The following NRXN3 variants were observed in gnomAD, a reference collection of about 807,000 sequenced individuals.
NRXN3 encodes neurexin III.
A neutral mutation model predicts 137.6 loss-of-function variants in NRXN3; 32 were observed. The observed-to-expected ratio is 0.23, with a 90% CI of 0.18 to 0.31. The LOEUF (loss-of-function observed/expected upper bound fraction) is 0.31. NRXN3 is among the 10% of genes least tolerant of loss of function. The pLI, the probability that NRXN3 is intolerant of heterozygous loss-of-function variation, is 1.00. For synonymous variants in NRXN3, 798 were observed against 784.5 expected (o/e 1.02, Z -0.29); for missense variants, 1,574 against 2,062.5 (o/e 0.76, Z 4.59).
At chr14:79,453,735 T>C (rs551363931) in intron 15 of NRXN3, among the ~76,000 whole-genome samples, 1 of 152,354 alleles carries the variant, frequency 6.6e-6, no homozygotes, top group South Asian at 2.1e-4. Context: ...TTTCCTTTTC[T>C]ATCTACTATT....
chr14:78,696,303 A>G (rs1213326276), intron 6 of NRXN3, among the ~76,000 whole-genome samples: 1 of 152,040 alleles, frequency 6.6e-6, no homozygotes, highest in Non-Finnish European at 1.5e-5. Context: ...GCTTAGGTAG[A>G]TAATAAAATC....
intron 10 of NRXN3, among the ~76,000 whole-genome samples, chr14:78,927,150 C>CAA (rs1555588692): frequency 2.7e-5 from 3 of 111,716 alleles, no homozygotes; most frequent in Admixed American, 1.0e-4. Flanking sequence ...GTGAGACCCT[C>CAA]AAAAAAAAAA....
chr14:78,663,514 G>C (rs1216205557), intron 6 of NRXN3, among the ~76,000 whole-genome samples: 4 of 152,140 alleles, frequency 2.6e-5, no homozygotes, highest in African/African-American at 9.7e-5. Context: ...TAGTATAAAT[G>C]CCAAGCAGTG....
intron 15 of NRXN3, among the ~76,000 whole-genome samples, chr14:79,306,448 T>G (rs1240220148): frequency 1.3e-5 from 2 of 152,128 alleles, no homozygotes; most frequent in African/African-American, 4.8e-5. Context: ...GTTTTTCTCT[T>G]TGTAATATAC....
chr14:79,492,435 T>A (rs932451551), intron 16 of NRXN3, among the ~76,000 whole-genome samples: 1 of 151,666 alleles, frequency 6.6e-6, no homozygotes, highest in African/African-American at 2.4e-5. Context: ...CAGGCTGGAG[T>A]GCAGTGGCGC....
At chr14:79,668,812 G>A (rs2098587164) in intron 17 of NRXN3, among the ~76,000 whole-genome samples, 1 of 151,916 alleles carries the variant, frequency 6.6e-6, no homozygotes, top group Admixed American at 6.6e-5. Flanking sequence ...ATACCCTCTG[G>A]TCAGCAAAAT....
intron 19 of NRXN3, among the ~76,000 whole-genome samples, chr14:79,708,098 C>T (rs765288409): frequency 2.0e-5 from 3 of 151,268 alleles, no homozygotes; most frequent in African/African-American, 4.9e-5. Flanking sequence ...TTATAGATGG[C>T]CCTCTGCATA....
At chr14:79,595,656 T>C (rs1305395027) in intron 16 of NRXN3, among the ~76,000 whole-genome samples, 1 of 152,178 alleles carries the variant, frequency 6.6e-6, no homozygotes, top group Non-Finnish European at 1.5e-5. Flanking sequence ...TATAAAAATA[T>C]ACTAGATTGT....
At chr14:79,633,623 C>T (rs1760178241) in intron 16 of NRXN3, among the ~76,000 whole-genome samples, 1 of 152,202 alleles carries the variant, frequency 6.6e-6, no homozygotes, top group Admixed American at 6.5e-5. Flanking sequence ...CTCTTCTGTT[C>T]TGCTCTTGGA....
chr14:78,749,704 A>G (rs1315893974), intron 8 of NRXN3, among the ~76,000 whole-genome samples: 11 of 152,140 alleles, frequency 7.2e-5, no homozygotes, highest in Admixed American at 7.2e-4. Flanking sequence ...CTGAATGGGG[A>G]GGCAGAAACA....
chr14:78,251,793 G>A (rs756977105), intron 2 of NRXN3, among the ~76,000 whole-genome samples: 1 of 152,196 alleles, frequency 6.6e-6, no homozygotes, highest in Non-Finnish European at 1.5e-5. Flanking sequence ...TTTAGACAGA[G>A]GGATCACTCT....
intron 4 of NRXN3, among the ~76,000 whole-genome samples, chr14:78,592,179 A>G (rs1242363333): frequency 6.6e-6 from 1 of 152,220 alleles, no homozygotes; most frequent in Non-Finnish European, 1.5e-5. Context: ...AAGCTTTTCT[A>G]CTAACTGAAC....
chr14:79,022,121 C>T (rs1039684896), intron 15 of NRXN3, among the ~76,000 whole-genome samples: 5 of 152,126 alleles, frequency 3.3e-5, no homozygotes, highest in African/African-American at 1.2e-4. Flanking sequence ...AAGTTAACTT[C>T]GGAAATATTG....
At chr14:78,519,592 C>A (rs1209747125) in intron 4 of NRXN3, among the ~76,000 whole-genome samples, 1 of 152,140 alleles carries the variant, frequency 6.6e-6, no homozygotes, top group Non-Finnish European at 1.5e-5. Flanking sequence ...TCCTCAAAGT[C>A]ATCTCAGTCT....
At chr14:79,416,335 T>C (rs17758133) in intron 15 of NRXN3, among the ~76,000 whole-genome samples, 47,502 of 151,986 alleles carry the variant, frequency 0.31, 8,150 homozygotes, top group Middle Eastern at 0.53. Flanking sequence ...AGAACTCTTT[T>C]TAAGGGTAAA....
chr14:78,803,753 C>T lies in NRXN3; in HGVS notation c.2178C>T (p.Thr726=). The change falls in exon 9 of 21, where the codon ACC becomes ACT. Residue 726 remains threonine, a synonymous_variant. Coordinates refer to ENST00000335750, the MANE Select transcript of NRXN3 (RefSeq NM_001330195.2). The part of the protein sequence containing the change: ...QRAYGLLVAT[T]SRDSADTLRL... ...CTTATGGGCTGCTGGTGGCTACGAC[C>T]TCCAGGGACTCTGCCGACACCCTGC... The T allele has an allele frequency of 6.2e-7, 1 of 1,614,112 alleles. No homozygotes were observed. Among genetic ancestry groups the T allele is most frequent in the Non-Finnish European group, 8.5e-7 (1 of 1,179,998 alleles).
intron 16 of NRXN3, among the ~76,000 whole-genome samples, chr14:79,505,545 C>T (rs192718069): frequency 4.4e-4 from 67 of 152,250 alleles, no homozygotes; most frequent in Admixed American, 8.5e-4. Flanking sequence ...CCCCTAACTT[C>T]ATTGGTGACT....
intron 15 of NRXN3, among the ~76,000 whole-genome samples, chr14:79,344,302 G>C (rs995947915): frequency 2.0e-5 from 3 of 152,134 alleles, no homozygotes; most frequent in African/African-American, 7.2e-5. Flanking sequence ...TAGGAGGTGA[G>C]TGAGAGGAAG....
chr14:79,208,721 C>G (rs949725913), intron 15 of NRXN3, among the ~76,000 whole-genome samples: 2 of 151,958 alleles, frequency 1.3e-5, no homozygotes, highest in African/African-American at 4.8e-5. Flanking sequence ...TTTTCAATTT[C>G]TATTATGACA....
Sources: gnomAD v4.1 joint callset for allele counts (sites outside exome capture counted in the v4.1 genomes callset) on GRCh38, gnomAD v4.1.1 for gene constraint, MANE v1.5 for transcripts, NCBI Gene and HGNC (gene_info 2026-07-23, HGNC 2026-07-21) for gene names.